Variants in FAT3 observed in about 807,000 individuals in gnomAD.
The protein encoded by FAT3 is protocadherin Fat 3.
Under a neutral mutation model 310.2 loss-of-function variants are expected in FAT3, and 95 were observed. The observed-to-expected ratio is 0.31, with a 90% CI of 0.26 to 0.36. FAT3 has a LOEUF of 0.36. FAT3 is among the 10% of genes least tolerant of loss of function. The pLI, the probability that FAT3 is intolerant of heterozygous loss-of-function variation, is 1.00. For missense variants in FAT3, 5,408 were observed against 5,715.6 expected (o/e 0.95, Z 1.74); for synonymous variants, 2,314 against 2,192.9 (o/e 1.06, Z -1.54).
chr11:92,232,628 G>GT lies in FAT3; in HGVS notation c.-18+7480dup, dbSNP rs56273706. Among the ~76,000 whole-genome samples, 152 of 74,748 alleles carry GT rather than the reference G, an allele frequency of 2.0e-3. 8 individuals are homozygous for GT. Among genetic ancestry groups the GT allele is most frequent in the Admixed American group, 2.8e-3 (16 of 5,646 alleles). 49.0% of individuals were successfully genotyped at this position (74,748 alleles called of 152,430 possible). ...TGTGCTTCTTGACTTCAGTGATGTC[G>GT]TTTTTTTTTTTTTTTTTTTTTTTTT... On this transcript the variant is annotated intron_variant, in intron 1 of 27. Coordinates refer to ENST00000525166, the MANE Select transcript of FAT3 (RefSeq NM_001367949.2).
intron 23 of FAT3, among the ~76,000 whole-genome samples, chr11:92,881,101 A>T (rs1009541779): frequency 3.3e-5 from 5 of 152,204 alleles, no homozygotes; most frequent in African/African-American, 1.2e-4. Flanking sequence ...TTTCTACTTT[A>T]TGTTTCCCTA....
intron 3 of FAT3, among the ~76,000 whole-genome samples, chr11:92,586,816 A>C (rs1939181890): frequency 6.6e-6 from 1 of 151,964 alleles, no homozygotes. Context: ...CATGCTTTTA[A>C]GAAATGGGCT....
intron 7 of FAT3, among the ~76,000 whole-genome samples, chr11:92,780,198 G>T (rs1315409584): frequency 2.3e-5 from 3 of 131,494 alleles, no homozygotes; most frequent in African/African-American, 5.8e-5. Context: ...GTCTCACTCT[G>T]TCACCCTGGC....
At chr11:92,825,415 G>C (rs937971342) in intron 13 of FAT3, among the ~76,000 whole-genome samples, 2 of 152,154 alleles carry the variant, frequency 1.3e-5, no homozygotes, top group African/African-American at 4.8e-5. Flanking sequence ...TAACATTAAG[G>C]GAACACAGAG....
intron 2 of FAT3, among the ~76,000 whole-genome samples, chr11:92,445,337 G>A (rs531749926): frequency 6.6e-6 from 1 of 152,156 alleles, no homozygotes; most frequent in African/African-American, 2.4e-5. Flanking sequence ...CATGATCTCT[G>A]GGGATGGGGT....
chr11:92,397,399 G>A (rs1268381069), intron 2 of FAT3, among the ~76,000 whole-genome samples: 1 of 152,128 alleles, frequency 6.6e-6, no homozygotes, highest in African/African-American at 2.4e-5. Flanking sequence ...AGCAGCGCAT[G>A]GGTCCCCTAA....
chr11:92,556,714 T>C (rs1305896833), intron 3 of FAT3, among the ~76,000 whole-genome samples: 1 of 152,192 alleles, frequency 6.6e-6, no homozygotes. Flanking sequence ...TCTGGGTCCC[T>C]GCAGTCCTTG....
At chr11:92,645,758 A>G (rs1942138539) in intron 3 of FAT3, among the ~76,000 whole-genome samples, 1 of 152,208 alleles carries the variant, frequency 6.6e-6, no homozygotes, top group South Asian at 2.1e-4. Context: ...TGGATATTAC[A>G]AAAGTATTTA....
At chr11:92,879,023 C>G (rs922508768) in intron 22 of FAT3, among the ~76,000 whole-genome samples, 6 of 150,812 alleles carry the variant, frequency 4.0e-5, no homozygotes, top group African/African-American at 1.5e-4. Flanking sequence ...AAATTGGAGG[C>G]AAAAAGATCC....
chr11:92,225,264 A>C (rs1863854287), intron 1 of FAT3, among the ~76,000 whole-genome samples, 90 bp downstream of exon 1: 1 of 152,180 alleles, frequency 6.6e-6, no homozygotes. Context: ...TGCTGGGTGC[A>C]AATGGGCTGC....
intron 3 of FAT3, among the ~76,000 whole-genome samples, chr11:92,542,364 A>C (rs570285): frequency 0.56 from 84,376 of 151,698 alleles, 23,929 homozygotes; most frequent in East Asian, 0.77. Context: ...AAGCTTCTGC[A>C]CAGAAAAGGA....
intron 2 of FAT3, among the ~76,000 whole-genome samples, chr11:92,371,028 A>C (rs2134716165): frequency 6.6e-6 from 1 of 152,334 alleles, no homozygotes; most frequent in South Asian, 2.1e-4. Context: ...CAATTCTAAT[A>C]AGATGGATTT....
intron 1 of FAT3, among the ~76,000 whole-genome samples, chr11:92,350,162 G>A (rs575189964): frequency 5.9e-5 from 9 of 152,110 alleles, no homozygotes; most frequent in Middle Eastern, 3.4e-3. Flanking sequence ...GGAGAGGGGA[G>A]AAAGGAGGTA....
In FAT3 at chr11:92,352,958, T is replaced by C; in HGVS notation, c.846T>C (p.Tyr282=). 9 of 1,613,846 alleles carry C rather than the reference T, an allele frequency of 5.6e-6. No individual in the cohort carries two copies. Among genetic ancestry groups the C allele is most frequent in the East Asian group, 2.2e-5 (1 of 44,862 alleles). The part of the protein sequence containing the change: ...VPFSLEKEPT[Y]AVVTVDDLDD... ...TCTCGTTGGAAAAAGAGCCAACATA[T>C]GCAGTGGTGACAGTTGATGACTTAG... The change falls in exon 2 of 28, where the codon TAT becomes TAC. Residue 282 remains tyrosine (Y), a synonymous_variant. Coordinates refer to ENST00000525166, the MANE Select transcript of FAT3 (RefSeq NM_001367949.2).
chr11:92,785,094 C>G (rs1030451742), intron 7 of FAT3, among the ~76,000 whole-genome samples: 8 of 152,000 alleles, frequency 5.3e-5, no homozygotes. Flanking sequence ...TGTCCCATGT[C>G]CAGCTGACTC....
chr11:92,452,084 T>G (rs1951369475), intron 2 of FAT3, among the ~76,000 whole-genome samples: 2 of 152,218 alleles, frequency 1.3e-5, no homozygotes, highest in Non-Finnish European at 2.9e-5. Context: ...GAAACAGTTC[T>G]GTCTGTTGAT....
At chr11:92,430,277 C>T (rs1361136781) in intron 2 of FAT3, among the ~76,000 whole-genome samples, 1 of 152,008 alleles carries the variant, frequency 6.6e-6, no homozygotes, top group Non-Finnish European at 1.5e-5. Flanking sequence ...GCAGTTCTTG[C>T]AACCTCTTAT....
intron 4 of FAT3, among the ~76,000 whole-genome samples, chr11:92,755,231 G>T (rs1387257610): frequency 6.6e-6 from 1 of 151,916 alleles, no homozygotes; most frequent in East Asian, 1.9e-4. Flanking sequence ...TTGTTTGTTT[G>T]TTTGTTTTTG....
At chr11:92,848,635 G>A (rs1395186855) in intron 19 of FAT3, among the ~76,000 whole-genome samples, 1 of 152,220 alleles carries the variant, frequency 6.6e-6, no homozygotes, top group African/African-American at 2.4e-5. Context: ...TGGGTGTGGT[G>A]GAAGAAGTGG....
Sources: allele counts gnomAD v4.1 joint callset (sites outside exome capture counted in the v4.1 genomes callset), GRCh38; gene constraint gnomAD v4.1.1; transcripts MANE v1.5; gene names NCBI Gene and HGNC (gene_info 2026-07-23, HGNC 2026-07-21).